Variants in DTNA observed in about 807,000 individuals in gnomAD.
DTNA encodes dystrophin-related protein 3.
DTNA carries 43 observed loss-of-function variants against 100.7 expected under a neutral mutation model. The ratio of observed to expected loss-of-function variants is 0.43; its 90% CI spans 0.33 to 0.55. DTNA has a LOEUF of 0.55. Ranked by LOEUF, DTNA falls within the 20% of genes least tolerant of loss-of-function variation. The pLI is 0.04. For missense variants in DTNA, 798 were observed against 953.9 expected, an observed-to-expected ratio of 0.84 and a Z score of 2.15; for synonymous variants, 349 against 347.9, an observed-to-expected ratio of 1.00 and a Z score of -0.04.
At chr18:34,604,328 A>C (rs2147278442) in intron 1 of DTNA, among the ~76,000 whole-genome samples, 1 of 152,328 alleles carries the variant, frequency 6.6e-6, no homozygotes, top group Middle Eastern at 3.4e-3. Context: ...TCTGTACCAT[A>C]GAAAGAGAAA....
At chr18:34,847,313 G>A (rs149949367) in intron 13 of DTNA, among the ~76,000 whole-genome samples, 1 of 152,170 alleles carries the variant, frequency 6.6e-6, no homozygotes, top group Non-Finnish European at 1.5e-5. Flanking sequence ...AAGGTCATTG[G>A]GAGTCACTAC....
chr18:34,889,396 T>C lies in DTNA; in HGVS notation c.*1662T>C. 2.0e-6 allele frequency: 2 copies of C among 985,302 alleles called. No individual in the cohort carries two copies. The highest frequency in any genetic ancestry group is 2.4e-6 in the Non-Finnish European group (2 of 829,794). The allele number at this position is 985,302 out of a possible 1,614,324, so 61.0% of individuals were successfully genotyped here. A position where few individuals can be genotyped will look rare whatever the true frequency, so the allele number is the denominator to read the frequency against. On this transcript the variant is annotated 3_prime_UTR_variant, in exon 23 of 23. Transcript: ENST00000444659. ...TAGTCAACCCTCTAGGTGATTCTGA[T>C]GCTCGCTAAAGGTTGAGAACTACTG... is the stretch of plus-strand genomic sequence containing the variant.
chr18:34,869,269 A>C (rs2096739855), intron 17 of DTNA, among the ~76,000 whole-genome samples: 1 of 152,182 alleles, frequency 6.6e-6, no homozygotes, highest in African/African-American at 2.4e-5. Context: ...ACACAGGTAT[A>C]TATAAACTTT....
intron 1 of DTNA, among the ~76,000 whole-genome samples, chr18:34,621,232 G>T (rs930719112): frequency 6.8e-6 from 1 of 147,464 alleles, no homozygotes; most frequent in African/African-American, 2.5e-5. Context: ...ACATATATAT[G>T]ATATATATAT....
At chr18:34,700,948 G>A (rs567905202) in intron 1 of DTNA, among the ~76,000 whole-genome samples, 5 of 152,140 alleles carry the variant, frequency 3.3e-5, no homozygotes, top group South Asian at 2.1e-4. Flanking sequence ...CCCTAGTGTC[G>A]CAGGAAAGGC....
chr18:34,729,323 C>T (rs2087515908), intron 1 of DTNA, among the ~76,000 whole-genome samples: 1 of 152,200 alleles, frequency 6.6e-6, no homozygotes. Context: ...CATTGCCAAA[C>T]CTCCCCTCTA....
At chr18:34,774,971 T>C (rs554275684) in intron 3 of DTNA, among the ~76,000 whole-genome samples, 2 of 152,376 alleles carry the variant, frequency 1.3e-5, no homozygotes, top group Non-Finnish European at 2.9e-5. Flanking sequence ...CTTTCTGTGC[T>C]GACTACAAAT....
intron 1 of DTNA, among the ~76,000 whole-genome samples, chr18:34,609,374 G>C (rs556876736): frequency 1.3e-5 from 2 of 151,198 alleles, no homozygotes; most frequent in Admixed American, 6.6e-5. Context: ...CCTCCCGAGC[G>C]GCTGGGACTA....
rs775975702 is a variant in DTNA, at chr18:34,766,039, A to G, written c.146A>G (p.Asn49Ser). 3.1e-6 allele frequency: 5 copies of G among 1,613,534 alleles called. No individual in the cohort carries two copies. The highest frequency in any genetic ancestry group is 1.7e-5 in the Admixed American group (1 of 59,966). The part of the protein sequence containing the change: ...CKLRFVQKKC[N>S]LHLVDIWNVI... ...CTTAGGTTTGTTCAGAAGAAATGCA[A>G]TTGTAAGTATGCCAGTTGTTTGGAC... The change falls in exon 3 of 23, where the codon AAT becomes AGT. Residue 49 changes from asparagine (N) to serine (S), a missense_variant and splice_region_variant. Physicochemically the swap from Asn to Ser is conservative, Grantham distance 46 (BLOSUM62 1). Around this residue, in one of 6 missense-constraint regions of DTNA, gnomAD observed 197 missense variants for 215.4 expected, o/e 0.91. Transcript: ENST00000444659.
chr18:34,672,104 T>C (rs1000868702), intron 1 of DTNA, among the ~76,000 whole-genome samples: 6 of 152,208 alleles, frequency 3.9e-5, no homozygotes, highest in African/African-American at 1.2e-4. Flanking sequence ...TGGGTAAACA[T>C]TGTTTTCTTG....
chr18:34,886,684 T>A (rs891673433), intron 22 of DTNA, among the ~76,000 whole-genome samples: 129 of 152,344 alleles, frequency 8.5e-4, no homozygotes, highest in African/African-American at 3.1e-3. Flanking sequence ...AATTTGGCAG[T>A]GAAAAATTAG....
intron 17 of DTNA, chr18:34,866,648 CA>C: frequency 2.0e-6 from 2 of 1,010,746 alleles, no homozygotes; most frequent in Non-Finnish European, 2.4e-6. Flanking sequence ...CCCTTTTCAT[CA>C]CACAATTATT....
At chr18:34,664,917 A>G (rs1305256833) in intron 1 of DTNA, among the ~76,000 whole-genome samples, 2 of 152,028 alleles carry the variant, frequency 1.3e-5, no homozygotes, top group Non-Finnish European at 2.9e-5. Flanking sequence ...TTTAACCCCA[A>G]AGTAGCATGG....
intron 1 of DTNA, among the ~76,000 whole-genome samples, chr18:34,674,349 C>G (rs976924546): frequency 3.1e-4 from 47 of 152,170 alleles, no homozygotes; most frequent in African/African-American, 2.4e-5. Context: ...CATCCAAGAC[C>G]TTCCTGCCTC....
intron 1 of DTNA, among the ~76,000 whole-genome samples, chr18:34,704,859 G>A (rs2081917268): frequency 6.6e-6 from 1 of 152,124 alleles, no homozygotes; most frequent in Non-Finnish European, 1.5e-5. Context: ...GACTTCACAG[G>A]TAGACTTAAT....
chr18:34,510,631 T>C (rs2040979847), intron 1 of DTNA, among the ~76,000 whole-genome samples: 1 of 150,742 alleles, frequency 6.6e-6, no homozygotes, highest in South Asian at 2.1e-4. Context: ...TCTTTTTTTT[T>C]TTTTTTTTTT....
intron 1 of DTNA, among the ~76,000 whole-genome samples, chr18:34,579,209 GT>G (rs1389470124): frequency 2.6e-5 from 4 of 152,016 alleles, no homozygotes; most frequent in African/African-American, 9.7e-5. Context: ...TTCTGGTCAT[GT>G]ATTTTATTTA....
chr18:34,866,554 C>CCACTCA (rs2096706922), intron 17 of DTNA: 1 of 1,061,204 alleles, frequency 9.4e-7, no homozygotes. Context: ...ACCTCTACAC[C>CCACTCA]CACTCACACT....
At chr18:34,788,015 A>G (rs554372271) in intron 3 of DTNA, among the ~76,000 whole-genome samples, 2 of 152,330 alleles carry the variant, frequency 1.3e-5, no homozygotes, top group South Asian at 2.1e-4. Flanking sequence ...TAGTATATTA[A>G]TGTAAAATAT....
Sources: allele counts gnomAD v4.1 joint callset (sites outside exome capture counted in the v4.1 genomes callset), GRCh38; gene constraint gnomAD v4.1.1; regional missense constraint gnomAD v4.1.1; transcripts MANE v1.5; gene names NCBI Gene and HGNC (gene_info 2026-07-23, HGNC 2026-07-21).